The following ZHX3 variants were observed in gnomAD, a reference collection of about 807,000 sequenced individuals.
ZHX3 encodes the protein zinc fingers and homeoboxes protein 3.
ZHX3 carries 20 observed loss-of-function variants against 64.5 expected under a neutral mutation model. That is an observed-to-expected ratio of 0.31 (90% CI 0.22 to 0.45). The LOEUF (loss-of-function observed/expected upper bound fraction) is 0.45. Ranked by LOEUF, ZHX3 falls within the 20% of genes least tolerant of loss-of-function variation. ZHX3 has a pLI of 1.00. For synonymous variants in ZHX3, 423 were observed against 461.6 expected, an observed-to-expected ratio of 0.92 and a Z score of 1.07; for missense variants, 1,041 against 1,195.8, an observed-to-expected ratio of 0.87 and a Z score of 1.91.
At chr20:41,227,383 G>T (rs1297035042) in intron 2 of ZHX3, among the ~76,000 whole-genome samples, 1 of 152,190 alleles carries the variant, frequency 6.6e-6, no homozygotes, top group Non-Finnish European at 1.5e-5. Flanking sequence ...TCCTGAAAAT[G>T]AGAGTGGCTG....
chr20:41,265,035 C>T (rs371694612), intron 2 of ZHX3, among the ~76,000 whole-genome samples: 26 of 152,236 alleles, frequency 1.7e-4, no homozygotes, highest in African/African-American at 6.3e-4. Flanking sequence ...AGCATTTTAT[C>T]ATCACTATTA....
intron 2 of ZHX3, among the ~76,000 whole-genome samples, chr20:41,230,802 C>T (rs1365613286): frequency 6.6e-6 from 1 of 152,170 alleles, no homozygotes; most frequent in Non-Finnish European, 1.5e-5. Context: ...GCATAGCCTA[C>T]TCCATTATCA....
intron 2 of ZHX3, among the ~76,000 whole-genome samples, chr20:41,263,519 A>AGAGTAGCTGGGAC (rs964327087): frequency 2.0e-5 from 3 of 151,302 alleles, no homozygotes; most frequent in African/African-American, 7.3e-5. Flanking sequence ...CTCAGCCTCC[A>AGAGTAGCTGGGAC]GAGTAGCTGG....
intron 2 of ZHX3, among the ~76,000 whole-genome samples, chr20:41,221,608 T>C (rs1295572574): frequency 1.3e-5 from 2 of 152,144 alleles, no homozygotes; most frequent in Non-Finnish European, 2.9e-5. Context: ...AAATTATGTG[T>C]CAGAGCAAAA....
intron 2 of ZHX3, among the ~76,000 whole-genome samples, chr20:41,254,819 A>T (rs536913438): frequency 1.3e-5 from 2 of 152,310 alleles, no homozygotes; most frequent in Admixed American, 1.3e-4. Context: ...TGAATGCCTA[A>T]GTCCCTGACC....
intron 3 of ZHX3, among the ~76,000 whole-genome samples, chr20:41,190,071 A>G (rs980944048): frequency 6.6e-6 from 1 of 152,106 alleles, no homozygotes; most frequent in African/African-American, 2.4e-5. Flanking sequence ...TGAGATGACC[A>G]CACGATTTTT....
Position 41,263,591 on chromosome 20 carries a change from G to T in ZHX3, c.-151+5399C>A, listed in dbSNP as rs182463608. Among the ~76,000 whole-genome samples the T allele has an allele frequency of 1.4e-4, 21 of 152,072 alleles. No individual in the cohort carries two copies. In the East Asian group the frequency reaches 3.1e-3, roughly 22 times the overall value. On this transcript the variant is annotated intron_variant, in intron 2 of 3. Transcript: ENST00000683867. ...TGTTTTGTATTTTACTAGAGACGGG[G>T]TTTCACCATGTTGCTGAGGCTGGTC...
intron 2 of ZHX3, among the ~76,000 whole-genome samples, chr20:41,227,282 G>GAGCA (rs1339011578): frequency 6.6e-6 from 1 of 152,188 alleles, no homozygotes; most frequent in African/African-American, 2.4e-5. Context: ...AGAAACCTTA[G>GAGCA]AGCATCAAGG....
chr20:41,211,695 C>T (rs1396159936), intron 2 of ZHX3, among the ~76,000 whole-genome samples: 1 of 152,162 alleles, frequency 6.6e-6, no homozygotes, highest in Non-Finnish European at 1.5e-5. Flanking sequence ...TAATGTACCA[C>T]AATGAATTTG....
In ZHX3 at chr20:41,185,040, C is replaced by T. The variant is rs2036401297; in HGVS notation, c.*151G>A. The stretch of plus-strand genomic sequence containing the variant: ...GGCAGGCCGAGGGTAGCGGCAGGCT[C>T]TGGGCTGTCTGCGAGGATTCTGGAA... On this transcript the variant is annotated 3_prime_UTR_variant, in exon 4 of 4. Coordinates refer to ENST00000683867, the MANE Select transcript of ZHX3 (RefSeq NM_001384317.1). The surrounding 1 kb of genome is among the most constrained non-coding windows in gnomAD (Gnocchi z 5.0). 1.4e-5 allele frequency: 21 copies of T among 1,551,860 alleles called. No homozygotes were observed. The highest frequency in any genetic ancestry group is 1.8e-5 in the Non-Finnish European group (21 of 1,147,150).
chr20:41,266,615 G>A (rs1219060445), intron 2 of ZHX3, among the ~76,000 whole-genome samples: 7 of 150,322 alleles, frequency 4.7e-5, no homozygotes, highest in African/African-American at 1.5e-4. Flanking sequence ...GTGCGATCTC[G>A]GCTCACTGCA....
At chr20:41,271,318 T>C (rs904978515) in intron 1 of ZHX3, among the ~76,000 whole-genome samples, 6 of 152,222 alleles carry the variant, frequency 3.9e-5, no homozygotes, top group Non-Finnish European at 8.8e-5. Context: ...ATGCCCAGCC[T>C]ACAAAAGTTT....
Position 41,180,186 on chromosome 20 carries a change from C to G in ZHX3, c.*5005G>C, listed in dbSNP as rs1000632686. On this transcript the variant is annotated 3_prime_UTR_variant, in exon 4 of 4. Coordinates refer to ENST00000683867, the MANE Select transcript of ZHX3 (RefSeq NM_001384317.1). ...AAGGTGCCTAGAGTCCCCACCAGAG[C>G]GGCTGCCTTCCTCCCTTCGCTCAGC... is the stretch of plus-strand genomic sequence containing the variant. 2.0e-5 allele frequency: 3 copies of G among 152,734 alleles called. No individual in the cohort carries two copies. 9.5% of individuals were successfully genotyped at this position (152,734 alleles called of 1,614,324 possible). A position where few individuals can be genotyped will look rare whatever the true frequency, so the allele number is the denominator to read the frequency against.
chr20:41,181,169 T>C lies in ZHX3; in HGVS notation c.*4022A>G, dbSNP rs1031703458. 14 of 152,286 alleles carry C rather than the reference T, an allele frequency of 9.2e-5. No individual in the cohort carries two copies. Among genetic ancestry groups the C allele is most frequent in the Admixed American group, 7.9e-4 (12 of 15,284 alleles). The allele number at this position is 152,286 out of a possible 1,614,324, so 9.4% of individuals were successfully genotyped here. ...GGTCCGTGTCTGGAGTGAGGGGAAC[T>C]GAGCCCTGCTGGCTACCTGACCTGG... is the stretch of plus-strand genomic sequence containing the variant. On this transcript the variant is annotated 3_prime_UTR_variant, in exon 4 of 4. Coordinates refer to ENST00000683867, the MANE Select transcript of ZHX3 (RefSeq NM_001384317.1).
chr20:41,202,320 T>C lies in ZHX3; in HGVS notation c.2597A>G (p.Gln866Arg), dbSNP rs777386804. Residue 866 changes from glutamine (Q) to arginine (R), a missense_variant, in exon 3 of 4, where the codon CAG (glutamine) becomes CGG (arginine). Physicochemically the swap from Gln to Arg is conservative, Grantham distance 43. Around this residue, in one of 4 missense-constraint regions of ZHX3, gnomAD observed 649 missense variants for 739.8 expected, o/e 0.88. Coordinates refer to ENST00000683867, the MANE Select transcript of ZHX3 (RefSeq NM_001384317.1). The surrounding 1 kb of genome is among the most constrained non-coding windows in gnomAD (Gnocchi z 7.0). ...THKMLYEEDL[Q>R]NLCDKTQMSS... ...CATCTGGGTCTTGTCACAGAGGTTC[T>C]GCAGGTCCTCTTCATACAGCATCTT... 1.2e-6 allele frequency: 2 copies of C among 1,614,212 alleles called. No individual in the cohort carries two copies. Among genetic ancestry groups the C allele is most frequent in the Non-Finnish European group, 1.7e-6 (2 of 1,180,040 alleles).
intron 1 of ZHX3, among the ~76,000 whole-genome samples, chr20:41,315,346 CTTTTTTTTTTTTTTTTTTT>C (rs11471425): frequency 3.6e-5 from 2 of 56,044 alleles, no homozygotes; most frequent in African/African-American, 1.9e-4. Context: ...CCAGGCCTGG[CTTTTTTTTTTTTTTTTTTT>C]TTTTTTTTTA....
At position 41,200,917 on chromosome 20, in the gene ZHX3, A is replaced by T. The variant is rs1341158349; in HGVS notation, c.2860+1140T>A. Among the ~76,000 whole-genome samples, 1 of 152,222 alleles carries T rather than the reference A, an allele frequency of 6.6e-6. No homozygotes were observed. Among genetic ancestry groups the T allele is most frequent in the Admixed American group, 6.5e-5 (1 of 15,284 alleles). ...TTAAAATATTCAGAGAAAGAAAAAG[A>T]ATTTTGTCCTTTTTAAGACATCCTA... is the stretch of plus-strand genomic sequence containing the variant. On this transcript the variant is annotated intron_variant, in intron 3 of 3. Coordinates refer to ENST00000683867, the MANE Select transcript of ZHX3 (RefSeq NM_001384317.1). The surrounding 1 kb of genome is among the most constrained non-coding windows in gnomAD (Gnocchi z 4.2).
At chr20:41,307,495 T>C (rs1050471030) in intron 1 of ZHX3, among the ~76,000 whole-genome samples, 3 of 152,340 alleles carry the variant, frequency 2.0e-5, no homozygotes, top group African/African-American at 7.2e-5. Flanking sequence ...TTCAGATCTC[T>C]ACTATGATCC....
At chr20:41,266,825 G>C (rs1021902657) in intron 2 of ZHX3, among the ~76,000 whole-genome samples, 28 of 145,626 alleles carry the variant, frequency 1.9e-4, no homozygotes, top group African/African-American at 7.1e-4. Flanking sequence ...GATTACAGGC[G>C]TGAGCCACCG....
Sources: gnomAD v4.1 joint callset for allele counts (sites outside exome capture counted in the v4.1 genomes callset) on GRCh38, gnomAD v4.1.1 for gene constraint, gnomAD v4.1.1 regional missense constraint, Gnocchi (gnomAD v3.1) non-coding constraint, MANE v1.5 for transcripts, NCBI Gene and HGNC (gene_info 2026-07-23, HGNC 2026-07-21) for gene names.